The following PPARGC1A variants were observed in gnomAD, a reference collection of about 807,000 sequenced individuals.
The protein encoded by PPARGC1A is peroxisome proliferator-activated receptor gamma coactivator 1-alpha.
Under a neutral mutation model 88.7 loss-of-function variants are expected in PPARGC1A, and 25 were observed. The ratio of observed to expected loss-of-function variants is 0.28; its 90% confidence interval spans 0.21 to 0.39. The LOEUF is 0.39. Among genes scored for constraint, PPARGC1A ranks in the 10% least tolerant of loss-of-function variants. PPARGC1A has a pLI of 1.00. For missense variants in PPARGC1A, 880 were observed against 968.7 expected (o/e 0.91, Z 1.22); for synonymous variants, 363 against 355.6 (o/e 1.02, Z -0.24).
rs1216726021 is a variant in PPARGC1A at position 23,814,557 on chromosome 4, G to T, written c.926C>A (p.Pro309His). ...TPPHKANQDN[P>H]FRASPKLKSS... ...CTTCAGCTTTGGAGAAGCCCTAAAA[G>T]GGTTATCTTGGTTGGCTTTATGAGG... The change falls in exon 8 of 13, where the codon CCT becomes CAT. Residue 309 changes from proline to histidine, a missense_variant. Pro to His is a moderately conservative substitution (Grantham distance 77). Coordinates refer to ENST00000264867, the MANE Select transcript of PPARGC1A (RefSeq NM_013261.5). 1 of 1,609,794 alleles carries T rather than the reference G, an allele frequency of 6.2e-7. No individual in the cohort carries two copies. Among genetic ancestry groups the T allele is most frequent in the African/African-American group, 1.4e-5 (1 of 73,850 alleles).
At chr4:24,390,553 C>G in the PPARGC1A span, among the ~76,000 whole-genome samples, 12 of 152,150 alleles carry the variant, frequency 7.9e-5, no homozygotes, top group Middle Eastern at 6.8e-3. Flanking sequence ...TACATTACCT[C>G]TACTTACAAT....
Position 23,870,831 on chromosome 4 carries a change from A to G in PPARGC1A, c.234+13921T>C, listed in dbSNP as rs888513299. Among the ~76,000 whole-genome samples the G allele has an allele frequency of 1.3e-5, 2 of 152,342 alleles. 1 individual carries two copies. Among genetic ancestry groups the G allele is most frequent in the Middle Eastern group, 6.8e-3 (2 of 294 alleles). On this transcript the variant is annotated intron_variant, in intron 2 of 12. Coordinates refer to ENST00000264867, the MANE Select transcript of PPARGC1A (RefSeq NM_013261.5). ...TCCAGTATGAATTATAAAAATAACCATAAAAATGCGTACTATCTATGGAAC... is the reference window on the plus strand; with the variant it reads ...TCCAGTATGAATTATAAAAATAACCGTAAAAATGCGTACTATCTATGGAAC...
At chr4:24,290,702 C>A in the PPARGC1A span, among the ~76,000 whole-genome samples, 27 of 152,082 alleles carry the variant, frequency 1.8e-4, no homozygotes, top group Non-Finnish European at 2.8e-4. Context: ...TGATGCTTGG[C>A]ACATAGTAGG....
the PPARGC1A span, among the ~76,000 whole-genome samples, chr4:24,164,322 G>A: frequency 6.6e-6 from 1 of 152,184 alleles, no homozygotes; most frequent in African/African-American, 2.4e-5. Context: ...TTTCCTGGAT[G>A]AGACCACATT....
chr4:23,975,420 C>CT, the PPARGC1A span, among the ~76,000 whole-genome samples: 6 of 149,998 alleles, frequency 4.0e-5, no homozygotes, highest in East Asian at 2.0e-4. Flanking sequence ...GCTATTCATT[C>CT]TTTTTTTTTT....
chr4:24,253,694 G>A, the PPARGC1A span, among the ~76,000 whole-genome samples: 4 of 152,156 alleles, frequency 2.6e-5, no homozygotes, highest in African/African-American at 7.2e-5. Flanking sequence ...CGCTGAGAGC[G>A]AGTGCCTCTT....
chr4:24,129,764 A>T, the PPARGC1A span, among the ~76,000 whole-genome samples: 5 of 152,188 alleles, frequency 3.3e-5, no homozygotes, highest in Non-Finnish European at 7.3e-5. Context: ...CATCAATGAC[A>T]GACTGGATTA....
At chr4:24,055,441 A>C in the PPARGC1A span, among the ~76,000 whole-genome samples, 1 of 152,172 alleles carries the variant, frequency 6.6e-6, no homozygotes, top group Non-Finnish European at 1.5e-5. Flanking sequence ...GGAGGGGTGG[A>C]AGGAAGGAGG....
the PPARGC1A span, among the ~76,000 whole-genome samples, chr4:24,314,073 T>G: frequency 6.6e-6 from 1 of 152,130 alleles, no homozygotes; most frequent in Non-Finnish European, 1.5e-5. Flanking sequence ...AAAGAACACC[T>G]AAAACAATAG....
At chr4:24,002,280 A>C in the PPARGC1A span, among the ~76,000 whole-genome samples, 3 of 151,912 alleles carry the variant, frequency 2.0e-5, no homozygotes, top group African/African-American at 7.3e-5. Flanking sequence ...AGCATGCGCC[A>C]CCACACCCAG....
chr4:24,017,500 A>T, the PPARGC1A span, among the ~76,000 whole-genome samples: 2 of 152,114 alleles, frequency 1.3e-5, no homozygotes, highest in African/African-American at 4.8e-5. Flanking sequence ...TCAAAAAAAG[A>T]TGGTTAAGCA....
chr4:24,129,369 G>A, the PPARGC1A span, among the ~76,000 whole-genome samples: 1 of 152,142 alleles, frequency 6.6e-6, no homozygotes, highest in Non-Finnish European at 1.5e-5. Context: ...ATAGGGCTAG[G>A]ATTAAATGCC....
the PPARGC1A span, among the ~76,000 whole-genome samples, chr4:24,272,587 TC>T: frequency 6.6e-6 from 1 of 152,212 alleles, no homozygotes. Flanking sequence ...ATTACCCATT[TC>T]CACCCCTTTT....
chr4:23,870,595 C>T (rs537277579), intron 2 of PPARGC1A, among the ~76,000 whole-genome samples: 3 of 152,158 alleles, frequency 2.0e-5, no homozygotes, highest in Admixed American at 6.5e-5. Flanking sequence ...ATTAGACAAC[C>T]GGATTCATTT....
At chr4:24,116,126 T>C in the PPARGC1A span, among the ~76,000 whole-genome samples, 3 of 152,218 alleles carry the variant, frequency 2.0e-5, no homozygotes, top group Admixed American at 2.0e-4. Flanking sequence ...CTTGCTTTCA[T>C]TGTGTTTGTG....
the PPARGC1A span, among the ~76,000 whole-genome samples, chr4:24,208,400 T>C: frequency 6.6e-6 from 1 of 152,060 alleles, no homozygotes. Context: ...TACTCATTCA[T>C]TGCCCTGGCT....
chr4:23,834,498 A>AG (rs1725664756), intron 2 of PPARGC1A, among the ~76,000 whole-genome samples: 1 of 152,128 alleles, frequency 6.6e-6, no homozygotes, highest in East Asian at 1.9e-4. Context: ...CAAAAAAAAA[A>AG]AACAACCAAA....
At chr4:23,943,395 T>C in the PPARGC1A span, among the ~76,000 whole-genome samples, 1 of 152,006 alleles carries the variant, frequency 6.6e-6, no homozygotes, top group Non-Finnish European at 1.5e-5. Context: ...TTTTTTTTTT[T>C]TTTCTAAATA....
the PPARGC1A span, among the ~76,000 whole-genome samples, chr4:24,354,248 C>T: frequency 2.0e-5 from 3 of 152,116 alleles, no homozygotes; most frequent in Non-Finnish European, 4.4e-5. Context: ...ATTGGGCCCA[C>T]CGGGATAATC....
Sources: allele counts gnomAD v4.1 joint callset (sites outside exome capture counted in the v4.1 genomes callset), GRCh38; gene constraint gnomAD v4.1.1; transcripts MANE v1.5; gene names NCBI Gene and HGNC (gene_info 2026-07-23, HGNC 2026-07-21).